SLC1A6: variants seen among roughly 807,000 people sequenced by gnomAD.
The protein encoded by SLC1A6 is solute carrier family 1 member 6.
In SLC1A6, 15 loss-of-function variants were observed where a neutral mutation model predicts 42.1. The ratio of observed to expected loss-of-function variants is 0.36; its 90% CI spans 0.24 to 0.55. The LOEUF (loss-of-function observed/expected upper bound fraction) is 0.55, where lower values mean the gene tolerates loss of function less well. SLC1A6 is among the 20% of genes least tolerant of loss of function. SLC1A6 has a pLI of 0.88. For synonymous variants in SLC1A6, 317 were observed against 319.7 expected (o/e 0.99, Z 0.09); for missense variants, 542 against 772.5 (o/e 0.70, Z 3.54).
intron 1 of SLC1A6, among the ~76,000 whole-genome samples, chr19:14,986,625 C>T (rs545885337): frequency 6.7e-6 from 1 of 149,092 alleles, no homozygotes; most frequent in African/African-American, 2.5e-5. Flanking sequence ...GGGTCTCCCT[C>T]TGTCACCCAG....
chr19:15,008,031 CAA>C (rs1234393695), intron 1 of SLC1A6, among the ~76,000 whole-genome samples: 2 of 79,400 alleles, frequency 2.5e-5, no homozygotes, highest in African/African-American at 7.9e-5. Flanking sequence ...GCCCCCCCCC[CAA>C]AAAAAAACCA....
intron 1 of SLC1A6, among the ~76,000 whole-genome samples, chr19:14,976,126 T>C (rs753899250): frequency 1.8e-4 from 27 of 152,294 alleles, no homozygotes; most frequent in Admixed American, 3.3e-4. Flanking sequence ...GACAACAGTA[T>C]GGAGATTTCT....
chr19:14,954,383 C>T, intron 7 of SLC1A6, 54 bp from the exon 8 acceptor site: 1 of 1,537,190 alleles, frequency 6.5e-7, no homozygotes, highest in African/African-American at 1.4e-5. Flanking sequence ...GGGGGCGGGG[C>T]TGGGAACAGG....
chr19:15,005,855 G>A (rs1033269371), intron 1 of SLC1A6, among the ~76,000 whole-genome samples: 1 of 152,224 alleles, frequency 6.6e-6, no homozygotes, highest in South Asian at 2.1e-4. Flanking sequence ...TGCAGATCTG[G>A]CATGAGGAAG....
At chr19:14,999,046 T>C (rs2045861001) in intron 1 of SLC1A6, among the ~76,000 whole-genome samples, 1 of 151,652 alleles carries the variant, frequency 6.6e-6, no homozygotes, top group African/African-American at 2.4e-5. Flanking sequence ...CCTGGCTAAT[T>C]TTTTTGTATT....
intron 1 of SLC1A6, among the ~76,000 whole-genome samples, chr19:14,989,330 C>T (rs935922769): frequency 6.6e-6 from 1 of 152,070 alleles, no homozygotes; most frequent in Non-Finnish European, 1.5e-5. Flanking sequence ...GGCGTGATCT[C>T]GGCTCACTGC....
chr19:14,980,372 A>G (rs2045759443), upstream of SLC1A6: 1 of 152,230 alleles, frequency 6.6e-6, no homozygotes, highest in African/African-American at 2.4e-5. Flanking sequence ...TTTAGAGCAC[A>G]CCAGGCAAGG....
Position 14,972,888 on chromosome 19 carries a change from AGGCTGTTGCCAT to A in SLC1A6, c.11_22del (p.His4_Ser7del). ...CCGCTGGCCGCTCTCCCGCAGGAAC[AGGCTGTTGCCAT>A]GGCTGCTCATGGTCTATCTGCGGGA... is the stretch of plus-strand genomic sequence containing the variant. On this transcript the variant is annotated inframe_deletion, in exon 2 of 10. Transcript: ENST00000594383. The A allele has an allele frequency of 6.3e-7, 1 of 1,593,764 alleles. No homozygotes were observed. The highest frequency in any genetic ancestry group is 1.3e-5 in the African/African-American group (1 of 74,798).
chr19:14,958,971 T>C (rs1466291390), intron 6 of SLC1A6, among the ~76,000 whole-genome samples: 2 of 152,244 alleles, frequency 1.3e-5, no homozygotes, highest in Non-Finnish European at 2.9e-5. Flanking sequence ...GTTTCCCTTC[T>C]TGTTAAAGAA....
chr19:14,976,061 C>A (rs1343837690), intron 1 of SLC1A6, among the ~76,000 whole-genome samples: 2 of 151,796 alleles, frequency 1.3e-5, no homozygotes, highest in South Asian at 2.1e-4. Context: ...TCCTTCTAGA[C>A]CCACTCTTAG....
upstream of SLC1A6, among the ~76,000 whole-genome samples, chr19:14,983,605 T>C (rs1001862839): frequency 6.6e-6 from 1 of 150,486 alleles, no homozygotes; most frequent in Non-Finnish European, 1.5e-5. Flanking sequence ...GGAGGATCGC[T>C]TGAGCCTGGA....
At chr19:15,004,794 T>C (rs1013017765) in intron 1 of SLC1A6, among the ~76,000 whole-genome samples, 1 of 152,188 alleles carries the variant, frequency 6.6e-6, no homozygotes, top group African/African-American at 2.4e-5. Flanking sequence ...AGCTTATTTG[T>C]TAGTTTAAGA....
At chr19:14,962,419 A>G in intron 5 of SLC1A6, 74 bp from the exon 6 acceptor site, 1 of 1,052,772 alleles carries the variant, frequency 9.5e-7, no homozygotes, top group Non-Finnish European at 1.4e-6. Context: ...ATTCCTTGAG[A>G]CCACTGATTC....
At chr19:14,964,614 G>A (rs2045552931) in intron 4 of SLC1A6, among the ~76,000 whole-genome samples, 1 of 152,100 alleles carries the variant, frequency 6.6e-6, no homozygotes, top group Non-Finnish European at 1.5e-5. Flanking sequence ...AAGCTACCCG[G>A]AGCCACAGAG....
intron 7 of SLC1A6, among the ~76,000 whole-genome samples, chr19:14,954,945 C>T (rs1230928699): frequency 6.6e-6 from 1 of 152,160 alleles, no homozygotes; most frequent in Non-Finnish European, 1.5e-5. Flanking sequence ...AGGGAGGGCC[C>T]CTACTCCAGA....
intron 1 of SLC1A6, among the ~76,000 whole-genome samples, chr19:14,994,344 T>C (rs1378876117): frequency 6.6e-6 from 1 of 152,140 alleles, no homozygotes; most frequent in Non-Finnish European, 1.5e-5. Context: ...CACAAGGTCC[T>C]GGCTGGCAGC....
intron 1 of SLC1A6, among the ~76,000 whole-genome samples, chr19:15,010,209 A>G (rs60736837): frequency 1.1e-5 from 1 of 90,990 alleles, no homozygotes; most frequent in African/African-American, 3.8e-5. Context: ...AAAGAAAGAA[A>G]AAAGAAAGAG....
rs749688415 is a variant in SLC1A6 at position 14,962,379 on chromosome 19, T to G, written c.592-34A>C. ...GAGAGAGATTGCGCCCAGATTCAATTCAGCGGATGCATTAGAATCGCCTGG... is the reference window on the plus strand; with the variant it reads ...GAGAGAGATTGCGCCCAGATTCAATGCAGCGGATGCATTAGAATCGCCTGG... On this transcript the variant is annotated intron_variant, in intron 5 of 9. Transcript: ENST00000594383. 4.6e-6 allele frequency: 7 copies of G among 1,519,340 alleles called. No homozygotes were observed. The African/African-American group carries it at 8.2e-5, about 18-fold the overall frequency. The allele number at this position is 1,519,340 out of a possible 1,614,324, so 94.1% of individuals were successfully genotyped here.
intron 1 of SLC1A6, among the ~76,000 whole-genome samples, chr19:14,998,946 C>T (rs1255733169): frequency 1.1e-4 from 16 of 151,926 alleles, no homozygotes; most frequent in Admixed American, 8.5e-4. Flanking sequence ...GGCACTATCT[C>T]GGCTCACTGC....
Sources: gnomAD v4.1 joint callset for allele counts (sites outside exome capture counted in the v4.1 genomes callset) on GRCh38, gnomAD v4.1.1 for gene constraint, MANE v1.5 for transcripts, NCBI Gene and HGNC (gene_info 2026-07-23, HGNC 2026-07-21) for gene names.